The following CUX1 variants were observed in gnomAD, a reference collection of about 807,000 sequenced individuals.
The protein encoded by CUX1 is protein CASP.
Under a neutral mutation model 158.8 loss-of-function variants are expected in CUX1, and 31 were observed. The observed-to-expected ratio is 0.20, with a 90% CI of 0.15 to 0.26. The LOEUF (loss-of-function observed/expected upper bound fraction) is 0.26. CUX1 is among the 10% of genes least tolerant of loss of function. The probability of loss-of-function intolerance (pLI) is 1.00; values close to 1 mark genes in which losing one functional copy is unlikely to be tolerated. For synonymous variants in CUX1, 879 were observed against 862.1 expected, an observed-to-expected ratio of 1.02 and a Z score of -0.34; for missense variants, 1,589 against 2,014.6, an observed-to-expected ratio of 0.79 and a Z score of 4.04.
At chr7:102,080,465 C>T (rs1312448179) in intron 4 of CUX1, among the ~76,000 whole-genome samples, 5 of 152,156 alleles carry the variant, frequency 3.3e-5, no homozygotes, top group Admixed American at 2.0e-4. Flanking sequence ...CGAAAAGTAG[C>T]GTCTGCCGCA....
At chr7:101,841,154 A>G (rs1381795255) in intron 1 of CUX1, among the ~76,000 whole-genome samples, 3 of 152,098 alleles carry the variant, frequency 2.0e-5, no homozygotes, top group South Asian at 2.1e-4. Context: ...CGGCCTCCCA[A>G]AGTGCTGGGA....
intron 1 of CUX1, among the ~76,000 whole-genome samples, chr7:101,908,426 G>A (rs796224484): frequency 3.3e-5 from 5 of 152,104 alleles, no homozygotes; most frequent in African/African-American, 9.6e-5. Flanking sequence ...GATTACGGGC[G>A]TGAACCACTG....
At chr7:102,275,880 G>A (rs1424770398) in intron 17 of CUX1, among the ~76,000 whole-genome samples, 7 of 151,972 alleles carry the variant, frequency 4.6e-5, no homozygotes, top group African/African-American at 1.7e-4. Context: ...ATGGTGGCGG[G>A]CACCTGTAGT....
At chr7:101,937,634 C>T (rs1362970452) in intron 2 of CUX1, among the ~76,000 whole-genome samples, 1 of 152,046 alleles carries the variant, frequency 6.6e-6, no homozygotes, top group African/African-American at 2.4e-5. Context: ...CCTTAGCCTC[C>T]CGAGTAGCTG....
At chr7:102,109,197 A>G (rs1012894831) in intron 6 of CUX1, among the ~76,000 whole-genome samples, 50 of 152,344 alleles carry the variant, frequency 3.3e-4, no homozygotes, top group African/African-American at 1.2e-3. Context: ...ACATTTTAAA[A>G]ACATCAACAA....
Position 101,981,767 on chromosome 7 carries a change from C to T in CUX1, c.142-46331C>T, listed in dbSNP as rs575435424. ...CTGGGATTACAGGCAAGCACCACCA[C>T]GCCCAGCTAATGTTTGTATTTTTAG... On this transcript the variant is annotated intron_variant, in intron 2 of 23. Transcript: ENST00000292535. Among the ~76,000 whole-genome samples, 5 of 152,128 alleles carry T rather than the reference C, an allele frequency of 3.3e-5. No individual in the cohort carries two copies. In the East Asian group the frequency reaches 7.7e-4, roughly 24 times the overall value.
chr7:101,824,609 G>A (rs898638691), intron 1 of CUX1: 7 of 152,242 alleles, frequency 4.6e-5, no homozygotes, highest in African/African-American at 1.4e-4. Context: ...GGGAAGGGCC[G>A]GCTTGGAGCC....
intron 10 of CUX1, among the ~76,000 whole-genome samples, chr7:102,170,857 A>G (rs1315784521): frequency 4.0e-5 from 6 of 151,520 alleles, no homozygotes; most frequent in Non-Finnish European, 4.4e-5. Flanking sequence ...TGGGGGTGTG[A>G]TCGCTGGCAT....
At position 102,256,800 on chromosome 7, in the gene CUX1, CTT is replaced by C. The variant is rs1179646233; in HGVS notation, c.*7760_*7761del. On this transcript the variant is annotated 3_prime_UTR_variant, in exon 24 of 24. Transcript: ENST00000292535. ...AGAGGGCGCGGTGGCCTGGCCAAGA[CTT>C]TACCTCCAAGCGAGAGAGTGATTTC... 1.0e-6 allele frequency: 1 copy of C among 985,364 alleles called. No homozygotes were observed. Among genetic ancestry groups the C allele is most frequent in the African/African-American group, 1.7e-5 (1 of 57,238 alleles). The allele number at this position is 985,364 out of a possible 1,614,324, so 61.0% of individuals were successfully genotyped here. A position where few individuals can be genotyped will look rare whatever the true frequency, so the allele number is the denominator to read the frequency against.
At chr7:102,046,569 A>ATTTTTTTTTTTTTTT (rs55753644) in intron 3 of CUX1, among the ~76,000 whole-genome samples, 795 of 55,446 alleles carry the variant, frequency 0.014, 64 homozygotes, top group Non-Finnish European at 0.02. Context: ...TTTGGTTTGG[A>ATTTTTTTTTTTTTTT]TTTTTTTTTT....
In CUX1 at chr7:102,253,691, A is replaced by C. The variant is rs1563498005; in HGVS notation, c.*4649A>C. The C allele has an allele frequency of 1.0e-6, 1 of 985,406 alleles. No homozygotes were observed. The highest frequency in any genetic ancestry group is 1.2e-6 in the Non-Finnish European group (1 of 829,986). 61.0% of individuals were successfully genotyped at this position (985,406 alleles called of 1,614,324 possible). A position where few individuals can be genotyped will look rare whatever the true frequency, so the allele number is the denominator to read the frequency against. On this transcript the variant is annotated 3_prime_UTR_variant, in exon 24 of 24. Coordinates refer to ENST00000292535, the MANE Select transcript of CUX1 (RefSeq NM_181552.4). ...GGGCGACAGCCTTTGCCTTAAATGC[A>C]GTATGACAGGCGCTTCTTGGCAGAC...
chr7:102,005,276 C>G (rs569603819), intron 2 of CUX1, among the ~76,000 whole-genome samples: 3 of 152,380 alleles, frequency 2.0e-5, no homozygotes, highest in African/African-American at 7.2e-5. Context: ...CCTGTAATCC[C>G]TGAGGCAGGC....
intron 1 of CUX1, among the ~76,000 whole-genome samples, chr7:101,835,588 G>A (rs193179634): frequency 1.4e-4 from 22 of 152,018 alleles, no homozygotes; most frequent in African/African-American, 5.3e-4. Context: ...TTTTATTTTT[G>A]TGGGTGCGTA....
intron 4 of CUX1, among the ~76,000 whole-genome samples, chr7:102,071,025 C>T (rs1826071800): frequency 1.3e-5 from 2 of 151,964 alleles, no homozygotes; most frequent in South Asian, 2.1e-4. Flanking sequence ...GCACAATCTC[C>T]GCTCACTGCA....
intron 3 of CUX1, among the ~76,000 whole-genome samples, chr7:102,049,561 G>A (rs1259404232): frequency 2.6e-5 from 4 of 152,086 alleles, no homozygotes; most frequent in Non-Finnish European, 5.9e-5. Flanking sequence ...AAACCAGTTG[G>A]ATGCGGTGGC....
chr7:102,195,663 G>A, intron 14 of CUX1, 60 bp downstream of exon 14: 1 of 1,443,428 alleles, frequency 6.9e-7, no homozygotes, highest in Non-Finnish European at 9.4e-7. Flanking sequence ...GGTCGGTCGA[G>A]GACGAGGAAG....
At chr7:102,117,347 G>A (rs1554492094) in intron 8 of CUX1, among the ~76,000 whole-genome samples, 6 of 128,484 alleles carry the variant, frequency 4.7e-5, no homozygotes, top group South Asian at 2.5e-4. Context: ...GCAATGAGCC[G>A]AGATAGCACC....
At chr7:101,864,544 A>G (rs1265230315) in intron 1 of CUX1, among the ~76,000 whole-genome samples, 2 of 150,450 alleles carry the variant, frequency 1.3e-5, no homozygotes, top group South Asian at 2.1e-4. Flanking sequence ...CATTTCCCTA[A>G]TAGATAGTTA....
chr7:101,890,324 C>G (rs1800742017), intron 1 of CUX1, among the ~76,000 whole-genome samples: 1 of 151,906 alleles, frequency 6.6e-6, no homozygotes, highest in African/African-American at 2.4e-5. Flanking sequence ...GGGAAGGGGA[C>G]AGGGTGTTAG....
Sources: allele counts gnomAD v4.1 joint callset (sites outside exome capture counted in the v4.1 genomes callset), GRCh38; gene constraint gnomAD v4.1.1; transcripts MANE v1.5; gene names NCBI Gene and HGNC (gene_info 2026-07-23, HGNC 2026-07-21).